LDAH: variants seen among roughly 807,000 people sequenced by gnomAD.
LDAH encodes lipid droplet-associated hydrolase.
LDAH carries 26 observed loss-of-function variants against 29.6 expected under a neutral mutation model. That is an observed-to-expected ratio of 0.88 (90% CI 0.64 to 1.22). The LOEUF (loss-of-function observed/expected upper bound fraction) is 1.22. Among genes scored for constraint, LDAH ranks in the 50% most tolerant of loss-of-function variants. LDAH has a pLI of 0.00. For missense variants in LDAH, 344 were observed against 387.3 expected (o/e 0.89, Z 0.94); for synonymous variants, 117 against 133.0 (o/e 0.88, Z 0.83).
At chr2:20,767,100 G>A (rs1179815606) in intron 4 of LDAH, among the ~76,000 whole-genome samples, 2 of 152,196 alleles carry the variant, frequency 1.3e-5, no homozygotes, top group African/African-American at 4.8e-5. Context: ...GCCACTGGGG[G>A]AGCTCATGGA....
intron 5 of LDAH, among the ~76,000 whole-genome samples, chr2:20,704,438 A>G (rs945408030): frequency 1.3e-5 from 2 of 152,232 alleles, no homozygotes; most frequent in African/African-American, 4.8e-5. Context: ...AGATTTGATT[A>G]ATACATTATG....
In LDAH at chr2:20,722,695, T is replaced by C. The variant is rs191024301; in HGVS notation, c.703+17276A>G. The stretch of plus-strand genomic sequence containing the variant: ...TGTATACAGGTATTCGAATGTCACA[T>C]GTACCCTAAAATATGTACAACTATT... On this transcript the variant is annotated intron_variant, in intron 5 of 6. Coordinates refer to ENST00000237822, the MANE Select transcript of LDAH (RefSeq NM_021925.4). 5.3e-3 allele frequency among the ~76,000 whole-genome samples: 805 copies of C among 152,314 alleles called. 8 individuals carry two copies. Among genetic ancestry groups the C allele is most frequent in the African/African-American group, 0.019 (786 of 41,556 alleles).
chr2:20,777,425 T>C (rs1669894005), intron 3 of LDAH, among the ~76,000 whole-genome samples: 1 of 152,160 alleles, frequency 6.6e-6, no homozygotes. Flanking sequence ...TAAAATTTAT[T>C]TTTATTTATT....
At chr2:20,785,891 C>T (rs551060454) in intron 3 of LDAH, among the ~76,000 whole-genome samples, 1 of 152,252 alleles carries the variant, frequency 6.6e-6, no homozygotes, top group South Asian at 2.1e-4. Flanking sequence ...CTACTGTCTG[C>T]TTGCATTACC....
intron 4 of LDAH, among the ~76,000 whole-genome samples, chr2:20,772,588 A>C (rs1427944106): frequency 6.6e-6 from 1 of 152,160 alleles, no homozygotes; most frequent in Non-Finnish European, 1.5e-5. Context: ...TTGTGTAATT[A>C]TCTCTCCTTG....
chr2:20,740,506 C>G (rs1667100387), intron 4 of LDAH, among the ~76,000 whole-genome samples: 1 of 152,052 alleles, frequency 6.6e-6, no homozygotes, highest in South Asian at 2.1e-4. Flanking sequence ...AGAGGGTCTC[C>G]CTGTGTTGCC....
intron 6 of LDAH, among the ~76,000 whole-genome samples, chr2:20,691,056 T>C (rs1662981982): frequency 6.6e-6 from 1 of 152,192 alleles, no homozygotes; most frequent in Non-Finnish European, 1.5e-5. Context: ...CTACTTACAA[T>C]TCCAGTAAAT....
At chr2:20,749,176 A>G (rs1428309266) in intron 4 of LDAH, among the ~76,000 whole-genome samples, 5 of 152,156 alleles carry the variant, frequency 3.3e-5, no homozygotes, top group Non-Finnish European at 7.3e-5. Context: ...AGATATTTAG[A>G]GAGGTATCAG....
intron 5 of LDAH, among the ~76,000 whole-genome samples, chr2:20,702,989 G>A (rs748160685): frequency 1.3e-5 from 2 of 152,120 alleles, no homozygotes; most frequent in African/African-American, 4.8e-5. Flanking sequence ...ACCACACTCC[G>A]CTAATTTTGT....
intron 1 of LDAH, among the ~76,000 whole-genome samples, chr2:20,819,057 A>G (rs562083639): frequency 6.6e-6 from 1 of 152,314 alleles, no homozygotes; most frequent in Admixed American, 6.5e-5. Flanking sequence ...TAAATGATGA[A>G]GATAAAATCT....
In LDAH at chr2:20,732,850, A is replaced by AT. The variant is rs201176322; in HGVS notation, c.703+7120dup. Reference sequence around the variant, plus strand: ...AAGTAGCCACTTTCTTCTTCCATTGATTTTCTCTATTGTTTTTGTTTTCAA... The same window carrying AT: ...AAGTAGCCACTTTCTTCTTCCATTGATTTTTCTCTATTGTTTTTGTTTTCAA... On this transcript the variant is annotated intron_variant, in intron 5 of 6. Coordinates refer to ENST00000237822, the MANE Select transcript of LDAH (RefSeq NM_021925.4). Among the ~76,000 whole-genome samples, 519 of 150,708 alleles carry AT rather than the reference A, an allele frequency of 3.4e-3. 5 individuals carry two copies. Among genetic ancestry groups the AT allele is most frequent in the African/African-American group, 0.012 (472 of 40,950 alleles).
intron 4 of LDAH, among the ~76,000 whole-genome samples, chr2:20,761,507 G>T (rs945333560): frequency 4.6e-5 from 7 of 152,158 alleles, no homozygotes; most frequent in Non-Finnish European, 7.4e-5. Flanking sequence ...TTTCATGCAG[G>T]AAGTGACATT....
chr2:20,731,293 A>G (rs1666385341), intron 5 of LDAH, among the ~76,000 whole-genome samples: 1 of 152,178 alleles, frequency 6.6e-6, no homozygotes, highest in African/African-American at 2.4e-5. Flanking sequence ...CTGTTATAGA[A>G]ATAATGATGG....
intron 5 of LDAH, among the ~76,000 whole-genome samples, chr2:20,737,590 C>T (rs1447986223): frequency 3.3e-5 from 5 of 152,090 alleles, no homozygotes; most frequent in Non-Finnish European, 1.5e-5. Context: ...TTGATTTAGT[C>T]AACAACTGAA....
chr2:20,740,396 C>T (rs1667093704), intron 4 of LDAH, among the ~76,000 whole-genome samples, 191 bp from the exon 5 acceptor site: 1 of 152,160 alleles, frequency 6.6e-6, no homozygotes, highest in South Asian at 2.1e-4. Flanking sequence ...ACTGCAGCCT[C>T]ATCCTGAGTG....
At chr2:20,768,687 C>G (rs1201745043) in intron 4 of LDAH, among the ~76,000 whole-genome samples, 1 of 152,158 alleles carries the variant, frequency 6.6e-6, no homozygotes, top group Admixed American at 6.5e-5. Flanking sequence ...AGGTTTCTGG[C>G]CAGAACAGCA....
At chr2:20,757,009 G>C (rs1383321238) in intron 4 of LDAH, among the ~76,000 whole-genome samples, 1 of 152,216 alleles carries the variant, frequency 6.6e-6, no homozygotes, top group East Asian at 1.9e-4. Flanking sequence ...GTTGATAGGA[G>C]GTGAAGATGG....
intron 5 of LDAH, among the ~76,000 whole-genome samples, chr2:20,739,160 A>G (rs1667007094): frequency 6.6e-6 from 1 of 152,258 alleles, no homozygotes; most frequent in Non-Finnish European, 1.5e-5. Context: ...TTTGAGGAAC[A>G]CAGGTAAAAG....
intron 3 of LDAH, 61 bp downstream of exon 3, chr2:20,790,194 C>T: frequency 6.4e-7 from 1 of 1,561,468 alleles, no homozygotes; most frequent in South Asian, 1.2e-5. Flanking sequence ...CCTTAGCAAG[C>T]TTGCTAGAAA....
Sources: gnomAD v4.1 joint callset for allele counts (sites outside exome capture counted in the v4.1 genomes callset) on GRCh38, gnomAD v4.1.1 for gene constraint, MANE v1.5 for transcripts, NCBI Gene and HGNC (gene_info 2026-07-23, HGNC 2026-07-21) for gene names.